The following CA12 variants were observed in gnomAD, a reference collection of about 807,000 sequenced individuals.
The protein encoded by CA12 is carbonic anhydrase 12.
CA12 carries 36 observed loss-of-function variants against 46.8 expected under a neutral mutation model. That is an observed-to-expected ratio of 0.77 (90% CI 0.59 to 1.02). CA12 has a LOEUF of 1.02. Ranked by LOEUF, CA12 falls within the 50% of genes least tolerant of loss-of-function variation. The pLI is 0.00. For missense variants in CA12, 436 were observed against 451.4 expected, an observed-to-expected ratio of 0.97 and a Z score of 0.31; for synonymous variants, 202 against 187.0, an observed-to-expected ratio of 1.08 and a Z score of -0.65.
intron 2 of CA12, among the ~76,000 whole-genome samples, chr15:63,351,880 C>A (rs1304129064): frequency 6.6e-6 from 1 of 152,182 alleles, no homozygotes; most frequent in African/African-American, 2.4e-5. Context: ...GTTTCAAAGA[C>A]CTTTGGAAGA....
At chr15:63,346,447 T>A in intron 3 of CA12, 83 bp downstream of exon 3, 1 of 678,008 alleles carries the variant, frequency 1.5e-6, no homozygotes, top group Non-Finnish European at 2.3e-6. Flanking sequence ...ACGGAACACC[T>A]CCCTGCCAGA....
In CA12 at chr15:63,334,748, CT is replaced by C. The variant is rs571107052; in HGVS notation, c.874+4070del. ...TGCTACTTCAGAGGCATCTGCACCC[CT>C]GATAAAGGATTTGTACACTCCTAAG... On this transcript the variant is annotated intron_variant, in intron 8 of 10. Transcript: ENST00000178638. 5.9e-5 allele frequency among the ~76,000 whole-genome samples: 9 copies of C among 152,176 alleles called. No homozygotes were observed. The South Asian group carries it at 1.0e-3, about 17-fold the overall frequency.
At chr15:63,337,787 G>A (rs1433811736) in intron 8 of CA12, among the ~76,000 whole-genome samples, 1 of 152,194 alleles carries the variant, frequency 6.6e-6, no homozygotes, top group African/African-American at 2.4e-5. Context: ...ATGTTGGTCA[G>A]GCTGGACTTG....
chr15:63,326,920 C>T (rs1035671715), intron 10 of CA12, among the ~76,000 whole-genome samples: 5 of 152,232 alleles, frequency 3.3e-5, no homozygotes, highest in African/African-American at 1.2e-4. Flanking sequence ...AAGGCACACA[C>T]GCTTCCAAAT....
rs1324134990 is a variant in CA12 at position 63,374,560 on chromosome 15, C to G, written c.106+1098G>C. Among the ~76,000 whole-genome samples the G allele has an allele frequency of 6.6e-6, 1 of 152,224 alleles. No homozygotes were observed. Among genetic ancestry groups the G allele is most frequent in the East Asian group, 1.9e-4 (1 of 5,198 alleles). ...CTTAGCAATGTGCTGTGCACATAATCAGTACATAAGGGATGTTAGCAATAA... is the reference window on the plus strand; with the variant it reads ...CTTAGCAATGTGCTGTGCACATAATGAGTACATAAGGGATGTTAGCAATAA... On this transcript the variant is annotated intron_variant, in intron 2 of 10. Transcript: ENST00000178638. This position sits in a 1 kb window ranked among gnomAD's most constrained non-coding sequence, Gnocchi z 4.4.
chr15:63,326,221 G>A lies in CA12; in HGVS notation c.*64C>T, dbSNP rs1399456165. The A allele has an allele frequency of 3.3e-6, 4 of 1,230,664 alleles. No individual in the cohort carries two copies. The highest frequency in any genetic ancestry group is 4.8e-6 in the Non-Finnish European group (4 of 831,000). The allele number at this position is 1,230,664 out of a possible 1,614,324, so 76.2% of individuals were successfully genotyped here. A position where few individuals can be genotyped will look rare whatever the true frequency, so the allele number is the denominator to read the frequency against. On this transcript the variant is annotated 3_prime_UTR_variant, in exon 11 of 11. Transcript: ENST00000178638. ...CCTTGAGGTGTCGCAAGTGTCCAGA[G>A]AGCCGAAGTGTGTAGGGTCCAAAGC...
In CA12 at chr15:63,327,091, G is replaced by C; in HGVS notation, c.992+58C>G. The C allele has an allele frequency of 6.8e-7, 1 of 1,472,642 alleles. No homozygotes were observed. Among genetic ancestry groups the C allele is most frequent in the Non-Finnish European group, 9.5e-7 (1 of 1,052,152 alleles). The allele number at this position is 1,472,642 out of a possible 1,614,324, so 91.2% of individuals were successfully genotyped here. ...TGCCACAAAGCTGCCTTCCCAGGCA[G>C]ACTAATCATCATGGACACATAGCTG... On this transcript the variant is annotated intron_variant, in intron 10 of 10. Coordinates refer to ENST00000178638, the MANE Select transcript of CA12 (RefSeq NM_001218.5). This position sits in a 1 kb window ranked among gnomAD's most constrained non-coding sequence, Gnocchi z 4.5.
At position 63,341,683 on chromosome 15, in the gene CA12, TGGA is replaced by T. The variant is rs942572284; in HGVS notation, c.525+316_525+318del. Among the ~76,000 whole-genome samples the T allele has an allele frequency of 2.6e-4, 39 of 152,274 alleles. No homozygotes were observed. Among genetic ancestry groups the T allele is most frequent in the African/African-American group, 8.9e-4 (37 of 41,576 alleles). On this transcript the variant is annotated intron_variant, in intron 5 of 10. Coordinates refer to ENST00000178638, the MANE Select transcript of CA12 (RefSeq NM_001218.5). The surrounding 1 kb of genome is among the most constrained non-coding windows in gnomAD (Gnocchi z 5.2). ...GAGTTCAGGCATCTGATGGGGCAGATGGAGTTTGATGATCCCTTTCCAGCACAG... is the reference window on the plus strand; with the variant it reads ...GAGTTCAGGCATCTGATGGGGCAGATGTTTGATGATCCCTTTCCAGCACAG...
intron 2 of CA12, among the ~76,000 whole-genome samples, chr15:63,362,258 G>A (rs1436232196): frequency 6.6e-6 from 1 of 152,220 alleles, no homozygotes; most frequent in Admixed American, 6.5e-5. Context: ...GTTAATTACT[G>A]CAATCTGAAT....
In CA12 at chr15:63,321,879, C is replaced by G. The variant is rs966701808; in HGVS notation, c.*4406G>C. The stretch of plus-strand genomic sequence containing the variant: ...GGAGATGTGGGGAGAGGAAGAGCGG[C>G]GTCCACGATGTGCTCATTTAGGCTT... On this transcript the variant is annotated 3_prime_UTR_variant, in exon 11 of 11. Transcript: ENST00000178638. The surrounding 1 kb of genome is among the most constrained non-coding windows in gnomAD (Gnocchi z 4.5). 1 of 152,270 alleles carries G rather than the reference C, an allele frequency of 6.6e-6. No homozygotes were observed. The highest frequency in any genetic ancestry group is 2.4e-5 in the African/African-American group (1 of 41,438). The allele number at this position is 152,270 out of a possible 1,614,324, so 9.4% of individuals were successfully genotyped here.
Position 63,340,762 on chromosome 15 carries a change from A to G in CA12, c.547T>C (p.Tyr183His). 6.2e-7 allele frequency: 1 copy of G among 1,614,192 alleles called. No homozygotes were observed. Residue 183 changes from tyrosine (Y) to histidine (H), a missense_variant, in exon 6 of 11, where the codon TAT becomes CAT. Physicochemically the swap from Tyr to His is moderately conservative, Grantham distance 83. Coordinates refer to ENST00000178638, the MANE Select transcript of CA12 (RefSeq NM_001218.5). This position sits in a 1 kb window ranked among gnomAD's most constrained non-coding sequence, Gnocchi z 4.4. ...TGAAGGTGACTGAAGATCTTGTCAT[A>G]GGACGGATTGAAGGAGCCCATCTGC... ...LIEMGSFNPS[Y>H]DKIFSHLQHV...
intron 2 of CA12, among the ~76,000 whole-genome samples, chr15:63,349,161 G>A (rs1194532763): frequency 6.6e-6 from 1 of 152,186 alleles, no homozygotes; most frequent in Non-Finnish European, 1.5e-5. Flanking sequence ...GGGGTGGTGG[G>A]CGTAGTGGTG....
rs934148081 is a variant in CA12, at chr15:63,331,152, C to T, written c.875-3022G>A. ...GGCTCAGCTTCTTTGCAGAAATGGG[C>T]TTGAGTCCCATTGGAGGCAGATGCC... On this transcript the variant is annotated intron_variant, in intron 8 of 10. Coordinates refer to ENST00000178638, the MANE Select transcript of CA12 (RefSeq NM_001218.5). This position sits in a 1 kb window ranked among gnomAD's most constrained non-coding sequence, Gnocchi z 5.3. Among the ~76,000 whole-genome samples, 2 of 152,216 alleles carry T rather than the reference C, an allele frequency of 1.3e-5. No individual in the cohort carries two copies. Among genetic ancestry groups the T allele is most frequent in the African/African-American group, 4.8e-5 (2 of 41,448 alleles).
rs1373259671 is a variant in CA12, at chr15:63,323,881, ATGAG to A, written c.*2400_*2403del. On this transcript the variant is annotated 3_prime_UTR_variant, in exon 11 of 11. Transcript: ENST00000178638. The surrounding 1 kb of genome is among the most constrained non-coding windows in gnomAD (Gnocchi z 5.1). ...CAAAGAAAGAGATTCAAGATCTCAC[ATGAG>A]TGAGAATCCAGGGCCTTCCCCTCTG... is the stretch of plus-strand genomic sequence containing the variant. The A allele has an allele frequency of 6.6e-6, 1 of 152,268 alleles. No homozygotes were observed. The highest frequency in any genetic ancestry group is 1.5e-5 in the Non-Finnish European group (1 of 68,042). 9.4% of individuals were successfully genotyped at this position (152,268 alleles called of 1,614,324 possible).
At position 63,381,778 on chromosome 15, in the gene CA12, C is replaced by A; in HGVS notation, c.-58G>T. 7 of 1,231,080 alleles carry A rather than the reference C, an allele frequency of 5.7e-6. No individual in the cohort carries two copies. Among genetic ancestry groups the A allele is most frequent in the Non-Finnish European group, 6.6e-6 (6 of 911,136 alleles). 76.3% of individuals were successfully genotyped at this position (1,231,080 alleles called of 1,614,324 possible). A position where few individuals can be genotyped will look rare whatever the true frequency, so the allele number is the denominator to read the frequency against. On this transcript the variant is annotated 5_prime_UTR_variant, in exon 1 of 11. Transcript: ENST00000178638. ...GTGCCGGGGGCTCCCGGTGGCCGCT[C>A]GCTCTCCAGCTGCACACCGGGACCG...
chr15:63,359,999 T>C (rs1454132095), intron 2 of CA12, among the ~76,000 whole-genome samples: 2 of 152,160 alleles, frequency 1.3e-5, no homozygotes, highest in East Asian at 3.8e-4. Context: ...CCCACTCACT[T>C]CTCCAGGCTT....
At chr15:63,368,637 G>C (rs2039464820) in intron 2 of CA12, among the ~76,000 whole-genome samples, 5 of 152,194 alleles carry the variant, frequency 3.3e-5, no homozygotes, top group Admixed American at 3.3e-4. Context: ...TCTTGCAGAA[G>C]CCATGCCCTG....
Position 63,340,064 on chromosome 15 carries a change from T to C in CA12, c.747+224A>G, listed in dbSNP as rs2039056644. Reference sequence around the variant, plus strand: ...CAAATGCAGATTTAGAGCTCTTTTTTTTAAAAAAGAACTAGGAGACATCTA... The same window carrying C: ...CAAATGCAGATTTAGAGCTCTTTTTCTTAAAAAAGAACTAGGAGACATCTA... On this transcript the variant is annotated intron_variant, in intron 7 of 10. Transcript: ENST00000178638. This position sits in a 1 kb window ranked among gnomAD's most constrained non-coding sequence, Gnocchi z 4.4. 2 of 585,312 alleles carry C rather than the reference T, an allele frequency of 3.4e-6. No individual in the cohort carries two copies. The highest frequency in any genetic ancestry group is 6.0e-6 in the Non-Finnish European group (2 of 331,300). The allele number at this position is 585,312 out of a possible 1,614,324, so 36.3% of individuals were successfully genotyped here.
Position 63,381,704 on chromosome 15 carries a change from AGGCTGCGCCGGGGCATCTTCGCG to A in CA12, c.-7_16del, listed in dbSNP as rs1285859764. On this transcript the variant is annotated start_lost and 5_prime_UTR_variant, in exon 1 of 11. Coordinates refer to ENST00000178638, the MANE Select transcript of CA12 (RefSeq NM_001218.5). ...CAGCAGGAGCACGGCCGCCGCGTGC[AGGCTGCGCCGGGGCATCTTCGCG>A]GGCTCCTGCGGGGCGGGCGCGGGCT... 6.2e-7 allele frequency: 1 copy of A among 1,607,046 alleles called. No individual in the cohort carries two copies. The highest frequency in any genetic ancestry group is 8.5e-7 in the Non-Finnish European group (1 of 1,176,908).
Sources: gnomAD v4.1 joint callset for allele counts (sites outside exome capture counted in the v4.1 genomes callset) on GRCh38, gnomAD v4.1.1 for gene constraint, Gnocchi (gnomAD v3.1) non-coding constraint, MANE v1.5 for transcripts, NCBI Gene and HGNC (gene_info 2026-07-23, HGNC 2026-07-21) for gene names.